Variants in CCDC34 observed in about 807,000 individuals in gnomAD.
CCDC34 encodes the protein coiled-coil domain-containing protein 34.
CCDC34 carries 40 observed loss-of-function variants against 44.1 expected under a neutral mutation model. That is an observed-to-expected ratio of 0.91 (90% CI 0.70 to 1.18). The LOEUF (loss-of-function observed/expected upper bound fraction) is 1.18, where lower values mean the gene tolerates loss of function less well. Among genes scored for constraint, CCDC34 ranks in the 50% most tolerant of loss-of-function variants. The pLI is 0.00. For missense variants in CCDC34, 466 were observed against 452.3 expected (o/e 1.03, Z -0.28); for synonymous variants, 159 against 158.2 (o/e 1.01, Z -0.04).
intron 3 of CCDC34, among the ~76,000 whole-genome samples, chr11:27,345,938 C>A (rs1360163522): frequency 1.3e-5 from 2 of 152,006 alleles, no homozygotes; most frequent in Non-Finnish European, 2.9e-5. Context: ...CACATCCTCT[C>A]CAGCACCTGT....
At chr11:27,361,402 G>A (rs1312966905) in intron 1 of CCDC34, among the ~76,000 whole-genome samples, 1 of 152,222 alleles carries the variant, frequency 6.6e-6, no homozygotes, top group Non-Finnish European at 1.5e-5. Context: ...GCTTAGTCCA[G>A]TTGATTATGC....
chr11:27,352,492 T>C (rs1406714223), intron 2 of CCDC34, among the ~76,000 whole-genome samples: 2 of 152,128 alleles, frequency 1.3e-5, no homozygotes, highest in African/African-American at 4.8e-5. Flanking sequence ...TGTGTATATA[T>C]GTATGTTTAT....
chr11:27,346,008 G>T (rs1862427612), intron 3 of CCDC34, among the ~76,000 whole-genome samples: 1 of 151,928 alleles, frequency 6.6e-6, no homozygotes, highest in Non-Finnish European at 1.5e-5. Context: ...TCTCATTGTG[G>T]TTTTGATTTG....
chr11:27,362,715 C>G, intron 1 of CCDC34, 121 bp downstream of exon 1: 1 of 1,147,796 alleles, frequency 8.7e-7, no homozygotes, highest in Non-Finnish European at 1.2e-6. Context: ...CACGGCACCT[C>G]AGTCTGCAAG....
At position 27,363,155 on chromosome 11, in the gene CCDC34, A is replaced by G; in HGVS notation, c.40T>C (p.Ser14Pro). ...AGRWGPTFPS[S>P]YAGFSADCRP... ...CAGTCAGCAGAGAAACCGGCGTAGG[A>G]AGAGGGAAAAGTAGGCCCCCAGCGC... Residue 14 changes from serine (S) to proline (P), a missense_variant, in exon 1 of 6, where the codon TCC becomes CCC. Physicochemically the swap from Ser to Pro is moderately conservative, Grantham distance 74. Transcript: ENST00000328697. 6.6e-7 allele frequency: 1 copy of G among 1,513,854 alleles called. No individual in the cohort carries two copies. 93.8% of individuals were successfully genotyped at this position (1,513,854 alleles called of 1,614,324 possible).
chr11:27,347,709 T>C (rs541034626), intron 3 of CCDC34, among the ~76,000 whole-genome samples: 2 of 152,132 alleles, frequency 1.3e-5, no homozygotes, highest in African/African-American at 4.8e-5. Context: ...ATTAATGGTT[T>C]CCTTGGAGCT....
intron 3 of CCDC34, among the ~76,000 whole-genome samples, chr11:27,348,262 T>C (rs1308279278): frequency 6.6e-6 from 1 of 152,238 alleles, no homozygotes. Context: ...GCATGAATAA[T>C]GCAATGATAA....
chr11:27,359,429 G>A (rs1016941299), intron 1 of CCDC34, among the ~76,000 whole-genome samples: 3 of 152,104 alleles, frequency 2.0e-5, no homozygotes, highest in East Asian at 1.9e-4. Flanking sequence ...AGATTTGGGC[G>A]TAAAACAGCC....
chr11:27,346,030 T>C (rs893403383), intron 3 of CCDC34, among the ~76,000 whole-genome samples: 6 of 152,150 alleles, frequency 3.9e-5, no homozygotes, highest in African/African-American at 1.4e-4. Context: ...ATTTCTCTGA[T>C]GGCCATTTCT....
intron 5 of CCDC34, among the ~76,000 whole-genome samples, chr11:27,340,274 T>C (rs1862336599): frequency 6.6e-6 from 1 of 152,228 alleles, no homozygotes; most frequent in South Asian, 2.1e-4. Flanking sequence ...GTTTTGTGTC[T>C]GGTTCATGTG....
chr11:27,344,933 C>T (rs1280948652), intron 3 of CCDC34, among the ~76,000 whole-genome samples: 1 of 152,108 alleles, frequency 6.6e-6, no homozygotes, highest in Non-Finnish European at 1.5e-5. Context: ...TATCTGATTT[C>T]AAGAATAATA....
chr11:27,349,008 G>A (rs1249200013), intron 3 of CCDC34: 2 of 983,384 alleles, frequency 2.0e-6, no homozygotes, highest in African/African-American at 3.5e-5. Context: ...AATTGGATTA[G>A]GTCTACTGCC....
At chr11:27,351,871 G>C (rs980142328) in intron 2 of CCDC34, among the ~76,000 whole-genome samples, 1 of 152,134 alleles carries the variant, frequency 6.6e-6, no homozygotes, top group African/African-American at 2.4e-5. Context: ...GGAGGTGGGA[G>C]GGGGTAGAAA....
intron 3 of CCDC34, among the ~76,000 whole-genome samples, chr11:27,348,060 G>A (rs946714495): frequency 3.3e-5 from 5 of 151,310 alleles, no homozygotes; most frequent in South Asian, 2.1e-4. Flanking sequence ...TTTCTGGCAC[G>A]CTAGTTCTAC....
intron 3 of CCDC34, among the ~76,000 whole-genome samples, chr11:27,343,462 T>C (rs1862392719): frequency 6.6e-6 from 1 of 152,080 alleles, no homozygotes; most frequent in African/African-American, 2.4e-5. Context: ...AGTTGCTGTA[T>C]TTCCTTCTTG....
intron 2 of CCDC34, among the ~76,000 whole-genome samples, chr11:27,353,314 T>TA (rs201076257): frequency 4.2e-4 from 59 of 142,104 alleles, no homozygotes; most frequent in African/African-American, 4.7e-4. Flanking sequence ...GCAAGATGGT[T>TA]AAAAAAAAAA....
At chr11:27,351,800 A>T (rs572627961) in intron 2 of CCDC34, among the ~76,000 whole-genome samples, 3 of 152,202 alleles carry the variant, frequency 2.0e-5, no homozygotes, top group Non-Finnish European at 4.4e-5. Context: ...CTACCAGGCT[A>T]GTCAGAAATG....
chr11:27,354,409 T>C (rs966312674), intron 2 of CCDC34, among the ~76,000 whole-genome samples: 8 of 152,202 alleles, frequency 5.3e-5, no homozygotes, highest in Non-Finnish European at 1.2e-4. Flanking sequence ...CTTTGAGTGC[T>C]TTGTACATAT....
At chr11:27,344,419 A>T (rs918363261) in intron 3 of CCDC34, among the ~76,000 whole-genome samples, 1 of 152,128 alleles carries the variant, frequency 6.6e-6, no homozygotes, top group South Asian at 2.1e-4. Context: ...TATGCTATAT[A>T]TTATAAACAT....
Sources: allele counts gnomAD v4.1 joint callset (sites outside exome capture counted in the v4.1 genomes callset), GRCh38; gene constraint gnomAD v4.1.1; transcripts MANE v1.5; gene names NCBI Gene and HGNC (gene_info 2026-07-23, HGNC 2026-07-21).